CSMD1: variants seen among roughly 807,000 people sequenced by gnomAD.
CSMD1 encodes CUB and Sushi multiple domains 1.
Under a neutral mutation model 417.5 loss-of-function variants are expected in CSMD1, and 213 were observed. The ratio of observed to expected loss-of-function variants is 0.51; its 90% CI spans 0.46 to 0.57. The LOEUF (loss-of-function observed/expected upper bound fraction) is 0.57. Ranked by LOEUF, CSMD1 falls within the 20% of genes least tolerant of loss-of-function variation. The probability of loss-of-function intolerance (pLI) is 0.00; values close to 1 mark genes in which losing one functional copy is unlikely to be tolerated. For missense variants in CSMD1, 6,923 were observed against 4,529.7 expected, an observed-to-expected ratio of 1.53 and a Z score of -15.17; for synonymous variants, 2,862 against 1,736.8, an observed-to-expected ratio of 1.65 and a Z score of -16.11.
intron 1 of CSMD1, among the ~76,000 whole-genome samples, chr8:4,676,972 ATATAT>A (rs1313961717): frequency 2.0e-5 from 3 of 146,476 alleles, no homozygotes; most frequent in Non-Finnish European, 4.5e-5. Flanking sequence ...CATATATAAT[ATATAT>A]TATATATTTT....
At chr8:4,875,384 C>T (rs182306723) in intron 1 of CSMD1, among the ~76,000 whole-genome samples, 7 of 152,024 alleles carry the variant, frequency 4.6e-5, no homozygotes, top group African/African-American at 1.7e-4. Flanking sequence ...TTCTATCAAG[C>T]CTTTATTTCT....
intron 2 of CSMD1, among the ~76,000 whole-genome samples, chr8:4,585,583 G>T (rs1215617782): frequency 6.6e-6 from 1 of 152,066 alleles, no homozygotes; most frequent in Non-Finnish European, 1.5e-5. Flanking sequence ...GAATTCAGAT[G>T]AAAGAAACCA....
chr8:4,663,403 G>A (rs1804727204), intron 1 of CSMD1, among the ~76,000 whole-genome samples: 1 of 152,272 alleles, frequency 6.6e-6, no homozygotes, highest in Non-Finnish European at 1.5e-5. Flanking sequence ...TAAGTGATTG[G>A]TTTGGGTCAA....
intron 3 of CSMD1, among the ~76,000 whole-genome samples, chr8:4,227,792 C>G (rs1019148501): frequency 1.3e-5 from 2 of 151,018 alleles, no homozygotes; most frequent in Admixed American, 6.6e-5. Flanking sequence ...GACACACCCT[C>G]CATCCTACAG....
chr8:4,389,370 G>C (rs549259486), intron 3 of CSMD1, among the ~76,000 whole-genome samples: 93 of 152,086 alleles, frequency 6.1e-4, no homozygotes, highest in Admixed American at 1.9e-3. Context: ...GGGAGTACTT[G>C]GAAATTACTA....
intron 4 of CSMD1, among the ~76,000 whole-genome samples, chr8:4,023,264 C>A (rs36001576): frequency 1.3e-5 from 2 of 152,208 alleles, no homozygotes; most frequent in African/African-American, 4.8e-5. Flanking sequence ...ATAAAAACAT[C>A]TGAACCAACT....
rs909877755 is a variant in CSMD1 at position 3,974,132 on chromosome 8, T to TTG, written c.818+23769_818+23770dup. 1.1e-4 allele frequency among the ~76,000 whole-genome samples: 16 copies of TTG among 152,136 alleles called. No homozygotes were observed. The East Asian group carries it at 1.4e-3, about 13-fold the overall frequency. ...TTTTGTACCCACATAATAGGTAGTT[T>TTG]TGTGTGTGTGTGTCTACATGTACAG... is the stretch of plus-strand genomic sequence containing the variant. On this transcript the variant is annotated intron_variant, in intron 5 of 69. Transcript: ENST00000635120.
At chr8:4,634,556 T>C (rs1204391904) in intron 2 of CSMD1, among the ~76,000 whole-genome samples, 2 of 152,178 alleles carry the variant, frequency 1.3e-5, no homozygotes, top group Non-Finnish European at 2.9e-5. Context: ...AGCAATAACT[T>C]TTGTGACATC....
chr8:4,044,750 C>CACCCTGGGCATGTACA (rs1257450618), intron 3 of CSMD1, among the ~76,000 whole-genome samples: 1 of 149,840 alleles, frequency 6.7e-6, no homozygotes, highest in South Asian at 2.1e-4. Context: ...GGGCATGTAC[C>CACCCTGGGCATGTACA]ACCCTGGCCA....
chr8:4,316,892 G>A (rs773459568), intron 3 of CSMD1, among the ~76,000 whole-genome samples: 1 of 152,046 alleles, frequency 6.6e-6, no homozygotes, highest in Non-Finnish European at 1.5e-5. Flanking sequence ...TCTTGGGGTG[G>A]GGGAATCTTC....
rs1448668020 is a variant in CSMD1, at chr8:3,343,323, G to A, written c.3602C>T (p.Thr1201Ile). 2 of 1,613,606 alleles carry A rather than the reference G, an allele frequency of 1.2e-6. No homozygotes were observed. Among genetic ancestry groups the A allele is most frequent in the East Asian group, 2.2e-5 (1 of 44,872 alleles). The change falls in exon 23 of 70, where the codon ACC becomes ATC. Residue 1201 changes from threonine (T) to isoleucine (I), a missense_variant. Thr to Ile is a moderately conservative substitution (Grantham distance 89, BLOSUM62 -1). Coordinates refer to ENST00000635120, the MANE Select transcript of CSMD1 (RefSeq NM_033225.6). ...ATAGGTGAGTTGAAAACCTTGGTCG[G>A]TGTCAGATCCATTGGTGTTGAACTC... ...WLEFNTNGSD[T>I]DQGFQLTYTS...
At chr8:4,248,044 T>C (rs1178090998) in intron 3 of CSMD1, among the ~76,000 whole-genome samples, 1 of 152,212 alleles carries the variant, frequency 6.6e-6, no homozygotes, top group East Asian at 1.9e-4. Flanking sequence ...AAGTTATTTA[T>C]GATCATTTGA....
At chr8:4,287,886 A>T (rs1385580863) in intron 3 of CSMD1, among the ~76,000 whole-genome samples, 4 of 152,090 alleles carry the variant, frequency 2.6e-5, no homozygotes, top group African/African-American at 9.7e-5. Flanking sequence ...GTCTCAGGAC[A>T]TCCCAGGTTG....
chr8:4,617,740 T>G (rs1028123231), intron 2 of CSMD1, among the ~76,000 whole-genome samples: 3 of 152,160 alleles, frequency 2.0e-5, no homozygotes, highest in African/African-American at 7.2e-5. Flanking sequence ...ACACCTTGTT[T>G]AATTTCCTAT....
In CSMD1 at chr8:4,145,020, A is replaced by T. The variant is rs559823406; in HGVS notation, c.416-112921T>A. Among the ~76,000 whole-genome samples, 32 of 151,250 alleles carry T rather than the reference A, an allele frequency of 2.1e-4. No individual in the cohort carries two copies. The South Asian group carries it at 6.4e-3, about 30-fold the overall frequency. On this transcript the variant is annotated intron_variant, in intron 3 of 69. Transcript: ENST00000635120. ...TCTCTACTTTATATAAATAATAATT[A>T]TCTTCTACTTTTCCGCTTTTAAAAT...
At chr8:3,310,498 T>A (rs1482033779) in intron 23 of CSMD1, among the ~76,000 whole-genome samples, 3 of 152,170 alleles carry the variant, frequency 2.0e-5, no homozygotes, top group Non-Finnish European at 4.4e-5. Flanking sequence ...TCCCTATTAA[T>A]AACAAACAAT....
chr8:3,404,101 G>A (rs143731454), intron 15 of CSMD1, among the ~76,000 whole-genome samples: 2 of 152,104 alleles, frequency 1.3e-5, no homozygotes, highest in African/African-American at 4.8e-5. Flanking sequence ...CTGGTTAGAA[G>A]TTTCTACTTC....
intron 12 of CSMD1, among the ~76,000 whole-genome samples, chr8:3,440,492 A>G (rs978094112): frequency 6.6e-6 from 1 of 152,176 alleles, no homozygotes; most frequent in Admixed American, 6.5e-5. Flanking sequence ...GTTGTTGTTC[A>G]TCCTGTATCC....
At chr8:3,032,762 C>A (rs1487704315) in intron 50 of CSMD1, among the ~76,000 whole-genome samples, 1 of 152,036 alleles carries the variant, frequency 6.6e-6, no homozygotes, top group Non-Finnish European at 1.5e-5. Context: ...CTCTTCTGTG[C>A]ATCCTCAACC....
Sources: allele counts gnomAD v4.1 joint callset (sites outside exome capture counted in the v4.1 genomes callset), GRCh38; gene constraint gnomAD v4.1.1; transcripts MANE v1.5; gene names NCBI Gene and HGNC (gene_info 2026-07-23, HGNC 2026-07-21).